The following RNF144A variants were observed in gnomAD, a reference collection of about 807,000 sequenced individuals.
The protein encoded by RNF144A is E3 ubiquitin-protein ligase RNF144A.
In RNF144A, 11 loss-of-function variants were observed where a neutral mutation model predicts 38.7. The observed-to-expected ratio is 0.28, with a 90% CI of 0.18 to 0.47. The LOEUF (loss-of-function observed/expected upper bound fraction) is 0.47. Among genes scored for constraint, RNF144A ranks in the 20% least tolerant of loss-of-function variants. The pLI is 0.99. For synonymous variants in RNF144A, 149 were observed against 143.9 expected (o/e 1.04, Z -0.25); for missense variants, 316 against 377.2 (o/e 0.84, Z 1.34).
chr2:7,044,316 A>G (rs186171279), downstream of RNF144A: 14 of 488,168 alleles, frequency 2.9e-5, no homozygotes, highest in Admixed American at 8.3e-4. Flanking sequence ...GTGGAGGGAG[A>G]AAGGGTGAGG....
At chr2:6,973,500 AG>A (rs1240380026) in intron 2 of RNF144A, among the ~76,000 whole-genome samples, 1 of 152,214 alleles carries the variant, frequency 6.6e-6, no homozygotes, top group African/African-American at 2.4e-5. Context: ...GTCACTTCAC[AG>A]TACAGGGCGG....
At chr2:6,984,190 C>G (rs1268805186) in intron 2 of RNF144A, among the ~76,000 whole-genome samples, 1 of 152,202 alleles carries the variant, frequency 6.6e-6, no homozygotes, top group African/African-American at 2.4e-5. Context: ...TATTTATTTT[C>G]TGTCTCCCCG....
intron 3 of RNF144A, among the ~76,000 whole-genome samples, chr2:7,003,638 C>A (rs533107317): frequency 6.6e-6 from 1 of 152,322 alleles, no homozygotes; most frequent in African/African-American, 2.4e-5. Flanking sequence ...AATGTTTGCA[C>A]AGTGACAGAA....
chr2:6,930,578 T>TA (rs1165642780), intron 1 of RNF144A, among the ~76,000 whole-genome samples: 1 of 151,916 alleles, frequency 6.6e-6, no homozygotes, highest in African/African-American at 2.4e-5. Flanking sequence ...TATACATACA[T>TA]ACGTGTATAT....
At chr2:7,000,454 C>T (rs1670027243) in intron 3 of RNF144A, among the ~76,000 whole-genome samples, 1 of 152,056 alleles carries the variant, frequency 6.6e-6, no homozygotes, top group African/African-American at 2.4e-5. Context: ...TGTAGAGTGA[C>T]CTGGGAAATT....
chr2:7,069,938 G>C (rs1039961499), downstream of RNF144A, among the ~76,000 whole-genome samples: 5 of 152,182 alleles, frequency 3.3e-5, no homozygotes, highest in Non-Finnish European at 5.9e-5. Context: ...ACTTTTCAAG[G>C]TTTTGAGCTG....
chr2:7,005,673 C>G (rs1015120100), intron 3 of RNF144A, among the ~76,000 whole-genome samples: 2 of 152,244 alleles, frequency 1.3e-5, no homozygotes, highest in Non-Finnish European at 2.9e-5. Context: ...CCCTCAGATT[C>G]CCTGCTGACA....
chr2:6,971,191 G>C (rs772524113), intron 2 of RNF144A, among the ~76,000 whole-genome samples: 2 of 152,186 alleles, frequency 1.3e-5, no homozygotes, highest in African/African-American at 4.8e-5. Flanking sequence ...CAGCTGGTTG[G>C]ACAGTAACCT....
intron 1 of RNF144A, among the ~76,000 whole-genome samples, chr2:6,925,406 T>C (rs1335862591): frequency 1.3e-5 from 2 of 152,170 alleles, no homozygotes; most frequent in Non-Finnish European, 2.9e-5. Flanking sequence ...CTTTATTTAA[T>C]CCATTGTGAG....
At position 6,942,712 on chromosome 2, in the gene RNF144A, G is replaced by A. The variant is rs183213361; in HGVS notation, c.-12+1565G>A. On this transcript the variant is annotated intron_variant, in intron 2 of 8. Coordinates refer to ENST00000320892, the MANE Select transcript of RNF144A (RefSeq NM_014746.6). The stretch of plus-strand genomic sequence containing the variant: ...AAAAAGGGATTCAGAGGCCGGGTGC[G>A]GTGGCTCACGCCTGTAATCCCAGCA... 7.9e-4 allele frequency among the ~76,000 whole-genome samples: 120 copies of A among 152,262 alleles called. 1 individual carries two copies. The highest frequency in any genetic ancestry group is 6.8e-3 in the Middle Eastern group (2 of 292).
At chr2:6,985,198 C>T (rs1165971530) in intron 2 of RNF144A, among the ~76,000 whole-genome samples, 5 of 151,190 alleles carry the variant, frequency 3.3e-5, no homozygotes, top group East Asian at 1.9e-4. Flanking sequence ...GGTGATTCCG[C>T]GGGACTTCCC....
At chr2:7,001,520 TA>T (rs1415968175) in intron 3 of RNF144A, among the ~76,000 whole-genome samples, 1 of 151,288 alleles carries the variant, frequency 6.6e-6, no homozygotes, top group Admixed American at 6.6e-5. Flanking sequence ...CTACAAAAAA[TA>T]AAAAAATTAG....
intron 2 of RNF144A, among the ~76,000 whole-genome samples, chr2:6,990,404 A>G (rs988237185): frequency 0.018 from 2,372 of 135,524 alleles, 40 homozygotes; most frequent in African/African-American, 0.027. Flanking sequence ...ACACACACAC[A>G]CACACACACA....
chr2:6,953,516 T>A (rs564938797), intron 2 of RNF144A, among the ~76,000 whole-genome samples: 1 of 152,250 alleles, frequency 6.6e-6, no homozygotes, highest in Non-Finnish European at 1.5e-5. Context: ...GTTCTACATA[T>A]TTTTAAAATT....
intron 2 of RNF144A, among the ~76,000 whole-genome samples, chr2:6,982,124 G>A (rs1322814207): frequency 6.6e-6 from 1 of 152,166 alleles, no homozygotes; most frequent in Non-Finnish European, 1.5e-5. Context: ...GTCTGTTCAT[G>A]GACAGATGAA....
At position 7,042,039 on chromosome 2, in the gene RNF144A, T is replaced by G. The variant is rs1673077093; in HGVS notation, c.*2279T>G. The stretch of plus-strand genomic sequence containing the variant: ...AGATTCTGGGGCCAGCCAGGGGCAG[T>G]CAAATTGGCACCTACTGGCTCTGAC... On this transcript the variant is annotated 3_prime_UTR_variant, in exon 9 of 9. Transcript: ENST00000320892. The G allele has an allele frequency of 1.0e-6, 1 of 985,224 alleles. No homozygotes were observed. The highest frequency in any genetic ancestry group is 1.2e-6 in the Non-Finnish European group (1 of 829,930). 61.0% of individuals were successfully genotyped at this position (985,224 alleles called of 1,614,324 possible).
chr2:6,961,231 T>A (rs1667312855), intron 2 of RNF144A, among the ~76,000 whole-genome samples: 1 of 152,144 alleles, frequency 6.6e-6, no homozygotes, highest in Non-Finnish European at 1.5e-5. Context: ...CACAGAAAGG[T>A]CTATTGCTTC....
intron 3 of RNF144A, among the ~76,000 whole-genome samples, chr2:7,000,759 TA>T (rs1427960093): frequency 6.6e-6 from 1 of 151,294 alleles, no homozygotes; most frequent in Admixed American, 6.6e-5. Context: ...TATTAGTTCT[TA>T]AAAAAAACAG....
At chr2:6,951,657 A>T (rs1256839576) in intron 2 of RNF144A, among the ~76,000 whole-genome samples, 1 of 152,166 alleles carries the variant, frequency 6.6e-6, no homozygotes, top group African/African-American at 2.4e-5. Flanking sequence ...TTTTCTCTAG[A>T]TACACCTTAC....
Sources: gnomAD v4.1 joint callset for allele counts (sites outside exome capture counted in the v4.1 genomes callset) on GRCh38, gnomAD v4.1.1 for gene constraint, MANE v1.5 for transcripts, NCBI Gene and HGNC (gene_info 2026-07-23, HGNC 2026-07-21) for gene names.